FAM135B: variants seen among roughly 807,000 people sequenced by gnomAD.
The protein encoded by FAM135B is protein FAM135B.
In FAM135B, 43 loss-of-function variants were observed where a neutral mutation model predicts 127.7. The observed-to-expected ratio is 0.34, with a 90% confidence interval of 0.26 to 0.43. The LOEUF is 0.43. Among genes scored for constraint, FAM135B ranks in the 20% least tolerant of loss-of-function variants. FAM135B has a pLI of 1.00. For missense variants in FAM135B, 1,558 were observed against 1,725.6 expected, an observed-to-expected ratio of 0.90 and a Z score of 1.72; for synonymous variants, 670 against 665.1, an observed-to-expected ratio of 1.01 and a Z score of -0.11.
At chr8:138,282,684 C>G (rs967165735) in intron 3 of FAM135B, among the ~76,000 whole-genome samples, 12 of 152,114 alleles carry the variant, frequency 7.9e-5, no homozygotes, top group African/African-American at 2.9e-4. Flanking sequence ...ATACCAAATG[C>G]TAGCAAAGGT....
chr8:138,231,524 A>G (rs1447449669), intron 7 of FAM135B, among the ~76,000 whole-genome samples: 3 of 152,092 alleles, frequency 2.0e-5, no homozygotes, highest in Admixed American at 1.3e-4. Context: ...TTTATTAAGG[A>G]GATACCTATT....
chr8:138,367,939 A>G lies in FAM135B; in HGVS notation c.45T>C (p.His15=), dbSNP rs772232091. The G allele has an allele frequency of 1.2e-6, 2 of 1,613,858 alleles. No individual in the cohort carries two copies. Among genetic ancestry groups the G allele is most frequent in the South Asian group, 1.1e-5 (1 of 91,074 alleles). Residue 15 remains histidine (H), a synonymous_variant, in exon 2 of 20, where the codon CAT becomes CAC. Coordinates refer to ENST00000395297, the MANE Select transcript of FAM135B (RefSeq NM_015912.4). Reference sequence around the variant, plus strand: ...GAAAGAGATCCACATTATAAAATTTATGTAGCTCTACCGAAAACTCAACCG... The same window carrying G: ...GAAAGAGATCCACATTATAAAATTTGTGTAGCTCTACCGAAAACTCAACCG... The part of the protein sequence containing the change: ...QGTVEFSVEL[H]KFYNVDLFQR...
intron 1 of FAM135B, among the ~76,000 whole-genome samples, chr8:138,470,828 C>G (rs1225966353): frequency 6.6e-6 from 1 of 152,124 alleles, no homozygotes; most frequent in African/African-American, 2.4e-5. Flanking sequence ...AGTAGACAGG[C>G]AAGGGTACTG....
chr8:138,364,399 CA>C (rs1392102951), intron 2 of FAM135B, among the ~76,000 whole-genome samples: 2 of 152,144 alleles, frequency 1.3e-5, no homozygotes, highest in Admixed American at 1.3e-4. Context: ...GACATCATTA[CA>C]AAACAGTGTG....
At chr8:138,250,042 C>A (rs1157056137) in intron 6 of FAM135B, among the ~76,000 whole-genome samples, 2 of 152,100 alleles carry the variant, frequency 1.3e-5, no homozygotes, top group Non-Finnish European at 2.9e-5. Flanking sequence ...GGAAAATTCA[C>A]TGAAGGGAAG....
At chr8:138,305,498 A>C (rs1826176716) in intron 3 of FAM135B, among the ~76,000 whole-genome samples, 1 of 49,232 alleles carries the variant, frequency 2.0e-5, no homozygotes, top group South Asian at 1.2e-3. Context: ...TCACACAGAC[A>C]TGGACATACC....
chr8:138,218,764 C>G (rs1412649403), intron 7 of FAM135B, among the ~76,000 whole-genome samples: 1 of 67,416 alleles, frequency 1.5e-5, no homozygotes, highest in Non-Finnish European at 3.1e-5. Context: ...CACACACACA[C>G]ACAGAGAGAG....
At position 138,353,770 on chromosome 8, in the gene FAM135B, T is replaced by G. The variant is rs192001830; in HGVS notation, c.77+14137A>C. ...TACAGTAAAAACTCCTGGCACAGTCTGAGCTCACACACCTGTGCTAGTGTT... is the reference window on the plus strand; with the variant it reads ...TACAGTAAAAACTCCTGGCACAGTCGGAGCTCACACACCTGTGCTAGTGTT... On this transcript the variant is annotated intron_variant, in intron 2 of 19. Coordinates refer to ENST00000395297, the MANE Select transcript of FAM135B (RefSeq NM_015912.4). Among the ~76,000 whole-genome samples, 15 of 137,010 alleles carry G rather than the reference T, an allele frequency of 1.1e-4. No individual in the cohort carries two copies. In the East Asian group the frequency reaches 2.6e-3, roughly 23 times the overall value. 89.9% of individuals were successfully genotyped at this position (137,010 alleles called of 152,430 possible).
chr8:138,363,367 C>T (rs1035805143), intron 2 of FAM135B, among the ~76,000 whole-genome samples: 4 of 152,118 alleles, frequency 2.6e-5, no homozygotes, highest in African/African-American at 9.7e-5. Context: ...ATTTTACAGG[C>T]CATACAATGT....
rs560124669 is a variant in FAM135B, at chr8:138,182,132, C to A, written c.874-3442G>T. Among the ~76,000 whole-genome samples the A allele has an allele frequency of 4.6e-5, 7 of 152,320 alleles. No homozygotes were observed. In the South Asian group the frequency reaches 1.5e-3, roughly 32 times the overall value. ...CGGCAAACACAGCACGAATCCTGAG[C>A]TCCGCCACCAGAGTGAACAAGAGAA... On this transcript the variant is annotated intron_variant, in intron 9 of 19. Coordinates refer to ENST00000395297, the MANE Select transcript of FAM135B (RefSeq NM_015912.4).
Position 138,167,952 on chromosome 8 carries a change from C to A in FAM135B, c.1201G>T (p.Asp401Tyr). ...AAGATCACCGGCAGGGTGTTCCAAT[C>A]GCCGTCGATGTCCAGGCACTCTGCA... ...LPAECLDIDGDWNTLPVIFED... is the reference protein window; with the variant it reads ...LPAECLDIDGYWNTLPVIFED... Residue 401 changes from aspartate (D) to tyrosine (Y), a missense_variant, in exon 12 of 20, where the codon GAT (aspartate) becomes TAT (tyrosine). Transcript: ENST00000395297. The A allele has an allele frequency of 6.2e-7, 1 of 1,613,968 alleles. No homozygotes were observed. The highest frequency in any genetic ancestry group is 1.3e-5 in the African/African-American group (1 of 75,000).
intron 1 of FAM135B, among the ~76,000 whole-genome samples, chr8:138,434,651 T>A (rs961521286): frequency 1.3e-5 from 2 of 152,178 alleles, no homozygotes; most frequent in Non-Finnish European, 2.9e-5. Flanking sequence ...GAGATGACAT[T>A]CAAAGCTCTT....
At position 138,164,617 on chromosome 8, in the gene FAM135B, A is replaced by G. The variant is rs1026426997; in HGVS notation, c.1258+3278T>C. On this transcript the variant is annotated intron_variant, in intron 12 of 19. Coordinates refer to ENST00000395297, the MANE Select transcript of FAM135B (RefSeq NM_015912.4). ...TTTGGAGAGGCTCATCAGAAACTCA[A>G]AAGAATACAACCATCTGTCTCTTAT... is the stretch of plus-strand genomic sequence containing the variant. Among the ~76,000 whole-genome samples the G allele has an allele frequency of 5.9e-5, 9 of 152,294 alleles. 1 individual carries two copies. In the South Asian group the frequency reaches 1.2e-3, roughly 21 times the overall value.
intron 12 of FAM135B, among the ~76,000 whole-genome samples, chr8:138,162,007 C>G (rs1267700844): frequency 6.6e-6 from 1 of 152,092 alleles, no homozygotes; most frequent in Non-Finnish European, 1.5e-5. Context: ...TAATAATAAG[C>G]TCATTATTGT....
intron 2 of FAM135B, chr8:138,367,497 C>T (rs1830819160): frequency 6.6e-6 from 3 of 455,872 alleles, no homozygotes; most frequent in South Asian, 3.2e-5. Flanking sequence ...GATCTAGGCA[C>T]AAGTGTTACA....
chr8:138,185,668 G>A (rs2131038226), intron 9 of FAM135B, among the ~76,000 whole-genome samples: 1 of 152,262 alleles, frequency 6.6e-6, no homozygotes, highest in Non-Finnish European at 1.5e-5. Context: ...AAGACTACGT[G>A]ACAATTTGGG....
At chr8:138,455,304 G>A (rs192101077) in intron 1 of FAM135B, among the ~76,000 whole-genome samples, 69 of 152,206 alleles carry the variant, frequency 4.5e-4, no homozygotes, top group Non-Finnish European at 7.5e-4. Flanking sequence ...TGGGACCTTG[G>A]GTTGCACAAT....
intron 2 of FAM135B, among the ~76,000 whole-genome samples, chr8:138,327,004 T>A (rs1399617801): frequency 6.6e-6 from 1 of 152,168 alleles, no homozygotes; most frequent in Non-Finnish European, 1.5e-5. Context: ...CTAGATCTCA[T>A]GACTGCTAAT....
chr8:138,323,181 A>C (rs1279512770), intron 2 of FAM135B, among the ~76,000 whole-genome samples: 2 of 152,212 alleles, frequency 1.3e-5, no homozygotes, highest in Non-Finnish European at 2.9e-5. Flanking sequence ...TACTGTGATG[A>C]TCCTCTGCAT....
Sources: allele counts gnomAD v4.1 joint callset (sites outside exome capture counted in the v4.1 genomes callset), GRCh38; gene constraint gnomAD v4.1.1; transcripts MANE v1.5; gene names NCBI Gene and HGNC (gene_info 2026-07-23, HGNC 2026-07-21).